NRXN3: variants seen among roughly 807,000 people sequenced by gnomAD.
The protein encoded by NRXN3 is neurexin 3, also known as neurexin III.
A neutral mutation model predicts 137.6 loss-of-function variants in NRXN3; 32 were observed. That is an observed-to-expected ratio of 0.23 (90% confidence interval 0.18 to 0.31). NRXN3 has a LOEUF of 0.31. Among genes scored for constraint, NRXN3 ranks in the 10% least tolerant of loss-of-function variants. The probability of loss-of-function intolerance (pLI) is 1.00; values close to 1 mark genes in which losing one functional copy is unlikely to be tolerated. For synonymous variants in NRXN3, 798 were observed against 784.5 expected (o/e 1.02, Z -0.29); for missense variants, 1,574 against 2,062.5 (o/e 0.76, Z 4.59).
intron 4 of NRXN3, among the ~76,000 whole-genome samples, chr14:78,475,249 G>C (rs1416095970): frequency 6.6e-6 from 1 of 151,808 alleles, no homozygotes; most frequent in Admixed American, 6.6e-5. Flanking sequence ...CAGATGATAA[G>C]CTCTTAGAGG....
chr14:78,968,147 C>T (rs752209446), intron 13 of NRXN3, 26 bp from the exon 14 acceptor site: 105 of 1,383,270 alleles, frequency 7.6e-5, no homozygotes, highest in Non-Finnish European at 9.6e-5. Flanking sequence ...TACTCATTCT[C>T]TTTTGCTAAT....
rs189858344 is a variant in NRXN3, at chr14:78,910,443, G to C, written c.2276-46799G>C. 4.6e-5 allele frequency among the ~76,000 whole-genome samples: 7 copies of C among 152,068 alleles called. No homozygotes were observed. The East Asian group carries it at 1.2e-3, about 25-fold the overall frequency. On this transcript the variant is annotated intron_variant, in intron 10 of 20. Transcript: ENST00000335750. ...CTGCTATCATTGTAACTTAACTTTT[G>C]TTGCTATTTTAACAACCAAATCATG...
intron 15 of NRXN3, among the ~76,000 whole-genome samples, chr14:79,249,527 T>C (rs1344765182): frequency 2.0e-5 from 3 of 152,152 alleles, no homozygotes; most frequent in Non-Finnish European, 2.9e-5. Flanking sequence ...CAGAAGACAA[T>C]TGGATTCCAT....
chr14:78,248,604 G>T (rs1373853153), intron 2 of NRXN3, among the ~76,000 whole-genome samples: 2 of 151,718 alleles, frequency 1.3e-5, no homozygotes, highest in Non-Finnish European at 2.9e-5. Context: ...CTCCTGTTTT[G>T]GGCACTTGTG....
At chr14:78,560,511 A>G (rs952831388) in intron 4 of NRXN3, among the ~76,000 whole-genome samples, 1 of 152,218 alleles carries the variant, frequency 6.6e-6, no homozygotes, top group Admixed American at 6.5e-5. Flanking sequence ...AGACTGTATA[A>G]CCTTTCTCCA....
At chr14:79,765,588 TA>T (rs2099053179) in intron 19 of NRXN3, among the ~76,000 whole-genome samples, 1 of 152,228 alleles carries the variant, frequency 6.6e-6, no homozygotes, top group African/African-American at 2.4e-5. Context: ...GTGCTCTATT[TA>T]AATAGATTGC....
At chr14:78,715,966 A>C (rs1370936571) in intron 8 of NRXN3, among the ~76,000 whole-genome samples, 1 of 152,150 alleles carries the variant, frequency 6.6e-6, no homozygotes, top group Non-Finnish European at 1.5e-5. Flanking sequence ...CAACCCTGAC[A>C]GTTGAGGACC....
At chr14:78,434,093 A>G (rs2093981838) in intron 4 of NRXN3, among the ~76,000 whole-genome samples, 1 of 152,256 alleles carries the variant, frequency 6.6e-6, no homozygotes, top group South Asian at 2.1e-4. Flanking sequence ...CCTGTTTTAC[A>G]GTAAAATGTT....
intron 4 of NRXN3, among the ~76,000 whole-genome samples, chr14:78,567,097 A>G (rs1454721993): frequency 6.6e-6 from 1 of 152,116 alleles, no homozygotes; most frequent in African/African-American, 2.4e-5. Context: ...TAGTTACAGG[A>G]CACAATTCTT....
At chr14:78,985,487 G>C (rs527837692) in intron 14 of NRXN3, among the ~76,000 whole-genome samples, 5 of 152,308 alleles carry the variant, frequency 3.3e-5, no homozygotes, top group African/African-American at 1.2e-4. Context: ...ATTATTGTTT[G>C]AAGTTATTGA....
chr14:78,182,642 T>A (rs2059911399), intron 1 of NRXN3, among the ~76,000 whole-genome samples: 1 of 151,800 alleles, frequency 6.6e-6, no homozygotes, highest in Non-Finnish European at 1.5e-5. Flanking sequence ...CTGATTTTTT[T>A]GTAGTTTTAG....
intron 4 of NRXN3, among the ~76,000 whole-genome samples, chr14:78,635,259 G>A (rs1310853203): frequency 2.0e-5 from 3 of 152,124 alleles, no homozygotes; most frequent in Non-Finnish European, 4.4e-5. Context: ...GGGCTAAAGA[G>A]ATATTTGATA....
At chr14:79,710,588 G>GGAGTACTATGATCTGA (rs1567970641) in intron 19 of NRXN3, among the ~76,000 whole-genome samples, 1 of 152,008 alleles carries the variant, frequency 6.6e-6, no homozygotes, top group East Asian at 1.9e-4. Context: ...CTATGATCTG[G>GGAGTACTATGATCTGA]TTTCAAAAAT....
intron 20 of NRXN3, among the ~76,000 whole-genome samples, chr14:79,845,150 G>A (rs1181683937): frequency 6.6e-6 from 1 of 152,132 alleles, no homozygotes; most frequent in East Asian, 1.9e-4. Flanking sequence ...AAGAGTTAGG[G>A]CCTTTCTCTG....
At chr14:79,845,210 AC>A (rs2099364509) in intron 20 of NRXN3, among the ~76,000 whole-genome samples, 1 of 152,202 alleles carries the variant, frequency 6.6e-6, no homozygotes, top group Non-Finnish European at 1.5e-5. Context: ...ATCTATCTAG[AC>A]CACTAAAATA....
chr14:79,185,659 G>C (rs8009489), intron 15 of NRXN3, among the ~76,000 whole-genome samples: 41,136 of 151,590 alleles, frequency 0.27, 6,017 homozygotes, highest in Non-Finnish European at 0.34. Flanking sequence ...TAGAGACAGG[G>C]TTTCACCATG....
chr14:78,208,310 T>C (rs1281325432), intron 1 of NRXN3, among the ~76,000 whole-genome samples: 1 of 152,206 alleles, frequency 6.6e-6, no homozygotes, highest in Non-Finnish European at 1.5e-5. Context: ...TGTTGACCTC[T>C]CCAAGCTCAA....
chr14:79,122,966 T>C (rs2055706661), intron 15 of NRXN3, among the ~76,000 whole-genome samples: 1 of 152,234 alleles, frequency 6.6e-6, no homozygotes, highest in Non-Finnish European at 1.5e-5. Context: ...TGACTCTAAA[T>C]AATTTCATGA....
chr14:79,605,688 C>T (rs2098001794), intron 16 of NRXN3, among the ~76,000 whole-genome samples: 1 of 152,072 alleles, frequency 6.6e-6, no homozygotes, highest in Non-Finnish European at 1.5e-5. Context: ...CAGGGTTTCA[C>T]CATGTTGGCC....
Sources: allele counts gnomAD v4.1 joint callset (sites outside exome capture counted in the v4.1 genomes callset), GRCh38; gene constraint gnomAD v4.1.1; transcripts MANE v1.5; gene names NCBI Gene and HGNC (gene_info 2026-07-23, HGNC 2026-07-21).